Variants in TRMT44 observed in about 807,000 individuals in gnomAD.
The protein encoded by TRMT44 is probable tRNA (uracil-O(2)-)-methyltransferase.
In TRMT44, 78 loss-of-function variants were observed where a neutral mutation model predicts 77.3. The observed-to-expected ratio is 1.01, with a 90% confidence interval of 0.84 to 1.22. TRMT44 has a LOEUF of 1.22. TRMT44 is among the 50% of genes most tolerant of loss of function. TRMT44 has a pLI of 0.00. For missense variants in TRMT44, 1,090 were observed against 964.4 expected, an observed-to-expected ratio of 1.13 and a Z score of -1.73; for synonymous variants, 391 against 383.3, an observed-to-expected ratio of 1.02 and a Z score of -0.23.
rs984213926 is a variant in TRMT44, at chr4:8,452,744, A to C, written c.1024-138A>C. The stretch of plus-strand genomic sequence containing the variant: ...AGCAACACTCCATCTCAAAAAAAGA[A>C]AAAAAAAAAAGAATGTTTAGTGTAG... On this transcript the variant is annotated intron_variant, in intron 4 of 10. Transcript: ENST00000389737. This position sits in a 1 kb window ranked among gnomAD's most constrained non-coding sequence, Gnocchi z 5.7. The C allele has an allele frequency of 8.3e-6, 4 of 483,584 alleles. No individual in the cohort carries two copies. The highest frequency in any genetic ancestry group is 5.8e-5 in the South Asian group (2 of 34,632). 30.0% of individuals were successfully genotyped at this position (483,584 alleles called of 1,614,324 possible).
At chr4:8,457,945 C>G (rs770307038) in intron 6 of TRMT44, among the ~76,000 whole-genome samples, 1 of 152,180 alleles carries the variant, frequency 6.6e-6, no homozygotes, top group African/African-American at 2.4e-5. Context: ...TTGAGAAATT[C>G]AAGAGCTAAT....
At chr4:8,503,895 C>T in the TRMT44 span, among the ~76,000 whole-genome samples, 2 of 152,258 alleles carry the variant, frequency 1.3e-5, no homozygotes, top group East Asian at 1.9e-4. Flanking sequence ...GCTTCGTCTC[C>T]AGCAAGCCCT....
intron 9 of TRMT44, 23 bp from the exon 10 acceptor site, chr4:8,471,061 A>G (rs1288869121): frequency 1.3e-6 from 2 of 1,558,142 alleles, no homozygotes; most frequent in Non-Finnish European, 1.7e-6. Flanking sequence ...TTTTGGGGAA[A>G]AAAAAAACCC....
chr4:8,459,499 C>T (rs1156266080), intron 6 of TRMT44, among the ~76,000 whole-genome samples: 2 of 152,190 alleles, frequency 1.3e-5, no homozygotes, highest in African/African-American at 4.8e-5. Flanking sequence ...ATTATTTACT[C>T]AGCTCTTCTG....
chr4:8,464,751 CTG>C (rs1396704418), intron 7 of TRMT44, among the ~76,000 whole-genome samples: 2 of 152,104 alleles, frequency 1.3e-5, no homozygotes, highest in African/African-American at 4.8e-5. Flanking sequence ...ATAACAGGAA[CTG>C]TGGAAAAAAT....
Position 8,451,826 on chromosome 4 carries a change from C to T in TRMT44, c.955-134C>T, listed in dbSNP as rs1302725563. The T allele has an allele frequency of 2.6e-6, 2 of 764,318 alleles. No individual in the cohort carries two copies. The highest frequency in any genetic ancestry group is 4.3e-6 in the Non-Finnish European group (2 of 463,780). 47.3% of individuals were successfully genotyped at this position (764,318 alleles called of 1,614,324 possible). The stretch of plus-strand genomic sequence containing the variant: ...GTAAGAAACCAGTTGTGAATTCCTG[C>T]CTTTGAGCTTATGTTTCCTATTTTA... On this transcript the variant is annotated intron_variant, in intron 3 of 10. Coordinates refer to ENST00000389737, the MANE Select transcript of TRMT44 (RefSeq NM_152544.3). The surrounding 1 kb of genome is among the most constrained non-coding windows in gnomAD (Gnocchi z 4.1).
chr4:8,463,970 T>C lies in TRMT44; in HGVS notation c.1204-15T>C. 1 of 1,606,768 alleles carries C rather than the reference T, an allele frequency of 6.2e-7. No homozygotes were observed. The highest frequency in any genetic ancestry group is 8.5e-7 in the Non-Finnish European group (1 of 1,173,798). ...GATTCACAAAACATTTCGTCTTGTT[T>C]TGTTATTCCTTTAGGAAGATGCAAT... is the stretch of plus-strand genomic sequence containing the variant. On this transcript the variant is annotated splice_polypyrimidine_tract_variant and intron_variant, in intron 6 of 10. Transcript: ENST00000389737.
At chr4:8,456,285 C>T (rs550939323) in intron 6 of TRMT44, among the ~76,000 whole-genome samples, 35 of 152,322 alleles carry the variant, frequency 2.3e-4, no homozygotes, top group African/African-American at 8.4e-4. Flanking sequence ...CTCATTCCTC[C>T]AGTCAGTTGC....
intron 6 of TRMT44, among the ~76,000 whole-genome samples, chr4:8,458,173 GGAA>G (rs1281861887): frequency 1.3e-5 from 2 of 152,212 alleles, no homozygotes; most frequent in Non-Finnish European, 1.5e-5. Flanking sequence ...AGGAAATGAT[GGAA>G]GAAGGATTGG....
intron 1 of TRMT44, among the ~76,000 whole-genome samples, 172 bp downstream of exon 1, chr4:8,441,613 GAA>G (rs1239645217): frequency 1.3e-5 from 2 of 152,320 alleles, no homozygotes; most frequent in South Asian, 2.1e-4. Context: ...CCTTAGTACA[GAA>G]GATGGGATAA....
chr4:8,470,091 T>C (rs1047968782), intron 9 of TRMT44, among the ~76,000 whole-genome samples: 5 of 152,260 alleles, frequency 3.3e-5, no homozygotes, highest in Admixed American at 2.0e-4. Context: ...TTCCCTGTTA[T>C]GGAGTCCATG....
At chr4:8,482,079 C>A (rs1159012087) in intron 2 of TRMT44, among the ~76,000 whole-genome samples, 1 of 152,174 alleles carries the variant, frequency 6.6e-6, no homozygotes, top group Admixed American at 6.5e-5. Flanking sequence ...TTTGCTAAAC[C>A]CTTCACTGTA....
chr4:8,450,081 CT>C, intron 3 of TRMT44, among the ~76,000 whole-genome samples, 193 bp downstream of exon 3: 1 of 151,144 alleles, frequency 6.6e-6, no homozygotes, highest in Non-Finnish European at 1.5e-5. Flanking sequence ...ATTCTCCTGC[CT>C]CAGCCTCTGG....
At chr4:8,479,606 G>A (rs1727550607), downstream of TRMT44, 1 of 152,138 alleles carries the variant, frequency 6.6e-6, no homozygotes, top group Non-Finnish European at 1.5e-5. Flanking sequence ...TGCTTCAGCT[G>A]TGGAGGGCAC....
intron 1 of TRMT44, among the ~76,000 whole-genome samples, chr4:8,442,573 G>A (rs1453098625): frequency 6.6e-6 from 1 of 152,232 alleles, no homozygotes; most frequent in Non-Finnish European, 1.5e-5. Context: ...CTCCGCTGTG[G>A]GTCTCTCTCA....
rs780147492 is a variant in TRMT44, at chr4:8,468,134, CCG to C, written c.1717_1718del (p.Ala573Ter). ...GTCGGGTGTGTAACCAGGGCCTGGG[CCG>C]CTGAGCATGGAGCAGGGCCCCAGGC... On this transcript the variant is annotated frameshift_variant, in exon 9 of 11. Transcript: ENST00000389737. LOFTEE classifies it high-confidence loss of function. The C allele has an allele frequency of 1.2e-6, 2 of 1,613,916 alleles. No homozygotes were observed. The highest frequency in any genetic ancestry group is 3.3e-5 in the Admixed American group (2 of 60,020).
At chr4:8,455,169 G>T (rs376484077) in intron 6 of TRMT44, among the ~76,000 whole-genome samples, 1 of 152,206 alleles carries the variant, frequency 6.6e-6, no homozygotes, top group South Asian at 2.1e-4. Flanking sequence ...AAGGCTGCTC[G>T]TTCAGTCAGC....
At chr4:8,483,425 G>A (rs1261168006) in intron 2 of TRMT44, among the ~76,000 whole-genome samples, 1 of 151,676 alleles carries the variant, frequency 6.6e-6, no homozygotes, top group Non-Finnish European at 1.5e-5. Flanking sequence ...TTTGGGGGGG[G>A]GCACGGTCTA....
chr4:8,484,709 G>T (rs1246913869), intron 2 of TRMT44, among the ~76,000 whole-genome samples: 1 of 152,166 alleles, frequency 6.6e-6, no homozygotes, highest in Non-Finnish European at 1.5e-5. Context: ...GTGGGGAAAG[G>T]ATTTAGGATC....
Sources: allele counts gnomAD v4.1 joint callset (sites outside exome capture counted in the v4.1 genomes callset), GRCh38; gene constraint gnomAD v4.1.1; non-coding constraint Gnocchi (gnomAD v3.1); transcripts MANE v1.5; gene names NCBI Gene and HGNC (gene_info 2026-07-23, HGNC 2026-07-21).